The following NALF1 variants were observed in gnomAD, a reference collection of about 807,000 sequenced individuals.
The protein encoded by NALF1 is family with sequence similarity 155 member A.
A neutral mutation model predicts 48.4 loss-of-function variants in NALF1; 3 were observed. That is an observed-to-expected ratio of 0.06 (90% CI 0.03 to 0.16). NALF1 has a LOEUF of 0.16. NALF1 is among the 10% of genes least tolerant of loss of function. NALF1 has a pLI of 1.00. For missense variants in NALF1, 526 were observed against 571.5 expected (o/e 0.92, Z 0.81); for synonymous variants, 262 against 245.7 (o/e 1.07, Z -0.62).
chr13:107,289,189 T>C (rs924469981), intron 1 of NALF1, among the ~76,000 whole-genome samples: 17 of 152,210 alleles, frequency 1.1e-4, no homozygotes, highest in African/African-American at 4.1e-4. Flanking sequence ...CCAGCGTCCC[T>C]GCCACCCTAT....
In NALF1 at chr13:107,704,207, C is replaced by T. The variant is rs551557652; in HGVS notation, c.915+161475G>A. ...ACATTTGTGCGAGTTCCCCACTACC[C>T]TCTATTCATTGTTCTGGTTGCTTCA... On this transcript the variant is annotated intron_variant, in intron 1 of 2. Coordinates refer to ENST00000375915, the MANE Select transcript of NALF1 (RefSeq NM_001080396.3). Among the ~76,000 whole-genome samples, 4 of 152,254 alleles carry T rather than the reference C, an allele frequency of 2.6e-5. No homozygotes were observed. In the South Asian group the frequency reaches 8.3e-4, roughly 32 times the overall value.
intron 1 of NALF1, among the ~76,000 whole-genome samples, chr13:107,595,773 A>G (rs1878727842): frequency 6.6e-6 from 1 of 152,180 alleles, no homozygotes; most frequent in African/African-American, 2.4e-5. Context: ...TAACTGCAAA[A>G]TCAAGGCTCA....
chr13:107,713,409 A>C (rs1296653023), intron 1 of NALF1, among the ~76,000 whole-genome samples: 1 of 152,170 alleles, frequency 6.6e-6, no homozygotes, highest in Non-Finnish European at 1.5e-5. Flanking sequence ...GATATGGCTC[A>C]TATTTCTGGC....
Position 107,313,440 on chromosome 13 carries a change from A to G in NALF1, c.916-102685T>C, listed in dbSNP as rs139984215. 5.4e-3 allele frequency among the ~76,000 whole-genome samples: 828 copies of G among 152,248 alleles called. 7 individuals carry two copies. Among genetic ancestry groups the G allele is most frequent in the African/African-American group, 0.019 (787 of 41,566 alleles). ...AGCTACAAAGATTAAAAACAAACAA[A>G]CAACAACAAAGAAAAATAACCACAT... On this transcript the variant is annotated intron_variant, in intron 1 of 2. Coordinates refer to ENST00000375915, the MANE Select transcript of NALF1 (RefSeq NM_001080396.3).
intron 1 of NALF1, among the ~76,000 whole-genome samples, chr13:107,368,252 T>G (rs1883185980): frequency 6.6e-6 from 1 of 152,236 alleles, no homozygotes; most frequent in South Asian, 2.1e-4. Context: ...TGGCATATAA[T>G]GCCCTTTGTA....
intron 2 of NALF1, among the ~76,000 whole-genome samples, chr13:107,179,947 C>T (rs781597429): frequency 5.6e-5 from 8 of 143,352 alleles, no homozygotes; most frequent in African/African-American, 1.3e-4. Context: ...CCAGGCCCAC[C>T]GCAATCTAGT....
intron 1 of NALF1, among the ~76,000 whole-genome samples, chr13:107,589,026 G>C (rs142293493): frequency 6.6e-6 from 1 of 152,104 alleles, no homozygotes; most frequent in Non-Finnish European, 1.5e-5. Flanking sequence ...TCAGGACAGG[G>C]GAGAGCAAAC....
rs576231079 is a variant in NALF1 at position 107,409,993 on chromosome 13, C to A, written c.916-199238G>T. On this transcript the variant is annotated intron_variant, in intron 1 of 2. Coordinates refer to ENST00000375915, the MANE Select transcript of NALF1 (RefSeq NM_001080396.3). Reference sequence around the variant, plus strand: ...AAGCATATGCAGTAATGCAAGGCATCCATTAATTTCTATAAATTCCAAAAT... The same window carrying A: ...AAGCATATGCAGTAATGCAAGGCATACATTAATTTCTATAAATTCCAAAAT... Among the ~76,000 whole-genome samples the A allele has an allele frequency of 3.9e-5, 6 of 152,292 alleles. No individual in the cohort carries two copies. In the East Asian group the frequency reaches 1.2e-3, roughly 29 times the overall value.
intron 1 of NALF1, among the ~76,000 whole-genome samples, chr13:107,647,880 G>C (rs1049646667): frequency 2.0e-5 from 3 of 151,996 alleles, no homozygotes; most frequent in African/African-American, 7.2e-5. Flanking sequence ...TTTCAAAACT[G>C]ATCTACCTAG....
intron 1 of NALF1, among the ~76,000 whole-genome samples, chr13:107,715,876 G>C (rs1875800889): frequency 6.6e-6 from 1 of 152,162 alleles, no homozygotes; most frequent in Non-Finnish European, 1.5e-5. Context: ...TTGGGATGCA[G>C]GTTTCATAAA....
At chr13:107,287,908 T>A (rs928070438) in intron 1 of NALF1, among the ~76,000 whole-genome samples, 2 of 151,764 alleles carry the variant, frequency 1.3e-5, no homozygotes, top group Non-Finnish European at 2.9e-5. Flanking sequence ...GGTTTCATCA[T>A]CTTGGCCAGT....
At chr13:107,255,441 C>T (rs1880793897) in intron 1 of NALF1, among the ~76,000 whole-genome samples, 1 of 152,050 alleles carries the variant, frequency 6.6e-6, no homozygotes, top group African/African-American at 2.4e-5. Flanking sequence ...TAAAATAAGT[C>T]CCAAATTAAC....
At chr13:107,206,684 GA>G (rs1879650995) in intron 2 of NALF1, among the ~76,000 whole-genome samples, 1 of 152,170 alleles carries the variant, frequency 6.6e-6, no homozygotes, top group African/African-American at 2.4e-5. Flanking sequence ...GGAAGAACTT[GA>G]GATCTCTAAG....
At chr13:107,691,752 T>C (rs890481274) in intron 1 of NALF1, among the ~76,000 whole-genome samples, 1 of 151,896 alleles carries the variant, frequency 6.6e-6, no homozygotes, top group African/African-American at 2.4e-5. Context: ...TCAAGAAGAG[T>C]CTAAAGATTC....
chr13:107,525,744 C>A (rs1876412074), intron 1 of NALF1, among the ~76,000 whole-genome samples: 1 of 152,058 alleles, frequency 6.6e-6, no homozygotes, highest in Non-Finnish European at 1.5e-5. Flanking sequence ...TTTGCTTCAA[C>A]AATGCACGAG....
At chr13:107,541,447 G>T (rs1036942842) in intron 1 of NALF1, among the ~76,000 whole-genome samples, 1 of 152,048 alleles carries the variant, frequency 6.6e-6, no homozygotes, top group South Asian at 2.1e-4. Context: ...CAGAATTCTT[G>T]AATGACCAAT....
At chr13:107,628,655 A>T (rs1302297925) in intron 1 of NALF1, among the ~76,000 whole-genome samples, 1 of 152,180 alleles carries the variant, frequency 6.6e-6, no homozygotes, top group Non-Finnish European at 1.5e-5. Flanking sequence ...CAATTCCCAA[A>T]TCTTACTAAA....
intron 1 of NALF1, among the ~76,000 whole-genome samples, chr13:107,827,672 AATATAG>A (rs751047605): frequency 6.6e-6 from 1 of 152,186 alleles, no homozygotes; most frequent in African/African-American, 2.4e-5. Context: ...TTTGTTTGTT[AATATAG>A]ATATAATCTT....
At chr13:107,850,745 G>A (rs1173590828) in intron 1 of NALF1, among the ~76,000 whole-genome samples, 2 of 151,770 alleles carry the variant, frequency 1.3e-5, no homozygotes, top group Non-Finnish European at 2.9e-5. Flanking sequence ...TCTACTAAAA[G>A]TACAAAAATT....
Sources: allele counts gnomAD v4.1 joint callset (sites outside exome capture counted in the v4.1 genomes callset), GRCh38; gene constraint gnomAD v4.1.1; transcripts MANE v1.5; gene names NCBI Gene and HGNC (gene_info 2026-07-23, HGNC 2026-07-21).